The following SLC2A5 variants were observed in gnomAD, a reference collection of about 807,000 sequenced individuals.
SLC2A5 encodes the protein solute carrier family 2 member 5.
In SLC2A5, 56 loss-of-function variants were observed where a neutral mutation model predicts 50.3. The ratio of observed to expected loss-of-function variants is 1.11; its 90% CI spans 0.90 to 1.39. The LOEUF is 1.39. Among genes scored for constraint, SLC2A5 ranks in the 40% most tolerant of loss-of-function variants. The probability of loss-of-function intolerance (pLI) is 0.00; values close to 1 mark genes in which losing one functional copy is unlikely to be tolerated. For missense variants in SLC2A5, 566 were observed against 650.1 expected (o/e 0.87, Z 1.41); for synonymous variants, 269 against 281.9 (o/e 0.95, Z 0.46).
intron 1 of SLC2A5, among the ~76,000 whole-genome samples, chr1:9,060,833 C>T (rs59847748): frequency 2.0e-5 from 3 of 152,056 alleles, no homozygotes; most frequent in Non-Finnish European, 4.4e-5. Context: ...ACATATTGGG[C>T]GCCCAATGTG....
At chr1:9,077,228 C>T (rs1004406496) in intron 2 of SLC2A5, among the ~76,000 whole-genome samples, 3 of 149,604 alleles carry the variant, frequency 2.0e-5, no homozygotes, top group African/African-American at 4.9e-5. Context: ...GGTAAGATAC[C>T]GTCTCTACAA....
rs1641269531 is a variant in SLC2A5, at chr1:9,040,398, TCAGA to T, written c.572-213_572-210del. 1 of 603,536 alleles carries T rather than the reference TCAGA, an allele frequency of 1.7e-6. No homozygotes were observed. The highest frequency in any genetic ancestry group is 1.9e-5 in the African/African-American group (1 of 52,974). The allele number at this position is 603,536 out of a possible 1,614,324, so 37.4% of individuals were successfully genotyped here. ...CAGCAGCGACGCACCCCTGCGCCCA[TCAGA>T]CAGACCACACCGACGAGGCCGGTAA... On this transcript the variant is annotated intron_variant, in intron 5 of 11. Coordinates refer to ENST00000377424, the MANE Select transcript of SLC2A5 (RefSeq NM_003039.3). This position sits in a 1 kb window ranked among gnomAD's most constrained non-coding sequence, Gnocchi z 4.3.
At chr1:9,085,240 G>T (rs1569927395) in intron 1 of SLC2A5, 1 of 152,230 alleles carries the variant, frequency 6.6e-6, no homozygotes, top group South Asian at 2.1e-4. Flanking sequence ...CCCTCAGGGG[G>T]TTCTGAGAAC....
intron 1 of SLC2A5, among the ~76,000 whole-genome samples, chr1:9,068,815 A>G (rs1033552457): frequency 6.6e-6 from 1 of 152,224 alleles, no homozygotes; most frequent in East Asian, 1.9e-4. Context: ...AAAAATGTGC[A>G]CTATCCTTCC....
intron 2 of SLC2A5, among the ~76,000 whole-genome samples, chr1:9,081,883 AC>A (rs1642356983): frequency 6.6e-6 from 1 of 152,114 alleles, no homozygotes; most frequent in African/African-American, 2.4e-5. Context: ...GGAGTTCAAG[AC>A]CAGCCTGAAC....
chr1:9,048,455 T>C (rs1440888921), intron 3 of SLC2A5, among the ~76,000 whole-genome samples: 1 of 151,988 alleles, frequency 6.6e-6, no homozygotes, highest in Non-Finnish European at 1.5e-5. Context: ...GAGGTTGCCG[T>C]GAGCTGAGAT....
intron 2 of SLC2A5, among the ~76,000 whole-genome samples, chr1:9,080,616 G>C (rs1024501457): frequency 3.3e-5 from 5 of 152,118 alleles, no homozygotes; most frequent in Admixed American, 3.3e-4. Flanking sequence ...CATTCGTGTT[G>C]GCCGTCTGTA....
chr1:9,042,409 ATG>A (rs375937742), intron 4 of SLC2A5, among the ~76,000 whole-genome samples: 26 of 146,950 alleles, frequency 1.8e-4, no homozygotes, highest in South Asian at 6.5e-4. Flanking sequence ...AAATATGTAT[ATG>A]TGTGTGTGTG....
At chr1:9,091,990 G>C (rs1642466097), upstream of SLC2A5, among the ~76,000 whole-genome samples, 1 of 152,146 alleles carries the variant, frequency 6.6e-6, no homozygotes, top group South Asian at 2.1e-4. Context: ...TCATTCCAGT[G>C]CTCAAATTTG....
chr1:9,082,922 G>T (rs1259845531), intron 2 of SLC2A5: 3 of 232,768 alleles, frequency 1.3e-5, no homozygotes, highest in African/African-American at 2.4e-5. Flanking sequence ...CCAGGGGCTG[G>T]GGGCAGGGGG....
Position 9,075,037 on chromosome 1 carries a change from A to C in SLC2A5, c.-58-5443T>G, listed in dbSNP as rs144656286. ...TCCCATCTCAAAAAACAAAACAAAA[A>C]AAAAAAGAAGTGCTTTCCAAGCTTT... On this transcript the variant is annotated intron_variant, in intron 2 of 5. Coordinates refer to the SLC2A5 transcript ENST00000464985. Among the ~76,000 whole-genome samples the C allele has an allele frequency of 8.4e-3, 1,273 of 152,176 alleles. 8 individuals are homozygous for C. The highest frequency in any genetic ancestry group is 0.012 in the Non-Finnish European group (796 of 67,968).
Position 9,037,824 on chromosome 1 carries a change from G to A in SLC2A5, c.1303-35C>T, listed in dbSNP as rs13306765. The A allele has an allele frequency of 9.3e-6, 15 of 1,613,806 alleles. No homozygotes were observed. In the East Asian group the frequency reaches 1.6e-4, roughly 17 times the overall value. On this transcript the variant is annotated intron_variant, in intron 11 of 11. Coordinates refer to ENST00000377424, the MANE Select transcript of SLC2A5 (RefSeq NM_003039.3). ...GAGGGGCAGGTGACACGTGTGGGAC[G>A]TGGTTTGCCCAGGGGCTCGCACTGT...
rs745388238 is a variant in SLC2A5, at chr1:9,040,366, C to A, written c.572-177G>T. On this transcript the variant is annotated intron_variant, in intron 5 of 11. Transcript: ENST00000377424. The surrounding 1 kb of genome is among the most constrained non-coding windows in gnomAD (Gnocchi z 4.3). Reference sequence around the variant, plus strand: ...GTGGACACTCGGGAAACACCTGCAGCAGGGATCAGCAGCGACGCACCCCTG... The same window carrying A: ...GTGGACACTCGGGAAACACCTGCAGAAGGGATCAGCAGCGACGCACCCCTG... 151 of 716,198 alleles carry A rather than the reference C, an allele frequency of 2.1e-4. No homozygotes were observed. Among genetic ancestry groups the A allele is most frequent in the Non-Finnish European group, 3.3e-4 (145 of 444,886 alleles). The allele number at this position is 716,198 out of a possible 1,614,324, so 44.4% of individuals were successfully genotyped here. A position where few individuals can be genotyped will look rare whatever the true frequency, so the allele number is the denominator to read the frequency against.
intron 4 of SLC2A5, among the ~76,000 whole-genome samples, chr1:9,044,354 A>C (rs1293176169): frequency 6.6e-6 from 1 of 151,850 alleles, no homozygotes; most frequent in East Asian, 2.0e-4. Context: ...AACAAACAAA[A>C]AGTTTAAATT....
chr1:9,069,769 G>A, upstream of SLC2A5: 1 of 573,390 alleles, frequency 1.7e-6, no homozygotes, highest in Admixed American at 3.0e-5. Flanking sequence ...TGCCCCCTGG[G>A]GACTGCAGGC....
chr1:9,051,251 AAG>A (rs551300365), intron 3 of SLC2A5, among the ~76,000 whole-genome samples: 4 of 151,706 alleles, frequency 2.6e-5, no homozygotes, highest in Admixed American at 6.6e-5. Context: ...AATGAAGGAA[AAG>A]AGAGAGAGAG....
chr1:9,089,053 C>T (rs191740834), upstream of SLC2A5, among the ~76,000 whole-genome samples: 45 of 152,234 alleles, frequency 3.0e-4, no homozygotes, highest in Admixed American at 1.1e-3. Context: ...TCACTCCTGA[C>T]GAAAAAGAGT....
the SLC2A5 span, among the ~76,000 whole-genome samples, chr1:9,094,023 T>C: frequency 6.6e-6 from 1 of 152,168 alleles, no homozygotes; most frequent in Non-Finnish European, 1.5e-5. Context: ...GAAGGGCCCA[T>C]AACTAAACAC....
upstream of SLC2A5, among the ~76,000 whole-genome samples, chr1:9,092,872 A>G (rs1361300407): frequency 1.3e-5 from 2 of 152,184 alleles, no homozygotes; most frequent in African/African-American, 2.4e-5. Flanking sequence ...CGGCATTTTA[A>G]AAAACACCCT....
Sources: gnomAD v4.1 joint callset for allele counts (sites outside exome capture counted in the v4.1 genomes callset) on GRCh38, gnomAD v4.1.1 for gene constraint, Gnocchi (gnomAD v3.1) non-coding constraint, MANE v1.5 for transcripts, NCBI Gene and HGNC (gene_info 2026-07-23, HGNC 2026-07-21) for gene names.